PVT1: variants seen among roughly 807,000 people sequenced by gnomAD.
The protein encoded by PVT1 is CXCR4/PVT1 fusion.
At chr8:128,068,684 C>T (rs1038441777) in intron 4 of PVT1, among the ~76,000 whole-genome samples, 1 of 152,058 alleles carries the variant, frequency 6.6e-6, no homozygotes, top group African/African-American at 2.4e-5. Context: ...TTAGTAGAAA[C>T]GGTTTCACCA....
chr8:128,014,131 G>A (rs1817344970), intron 4 of PVT1, among the ~76,000 whole-genome samples: 1 of 152,206 alleles, frequency 6.6e-6, no homozygotes, highest in Non-Finnish European at 1.5e-5. Flanking sequence ...ACGAAGCTCT[G>A]TTTCGTCAAG....
At chr8:128,074,708 G>A (rs747315537) in intron 5 of PVT1, among the ~76,000 whole-genome samples, 17 of 152,128 alleles carry the variant, frequency 1.1e-4, no homozygotes, top group Non-Finnish European at 1.9e-4. Flanking sequence ...AAAGGATTCC[G>A]TTAGGATGGC....
chr8:127,894,787 T>G (rs1815653673), intron 3 of PVT1, among the ~76,000 whole-genome samples: 2 of 152,236 alleles, frequency 1.3e-5, no homozygotes, highest in Admixed American at 1.3e-4. Context: ...ATTGTTTCTA[T>G]TTGCGGTACT....
chr8:127,975,960 T>C (rs1248741213), intron 3 of PVT1, among the ~76,000 whole-genome samples: 2 of 152,180 alleles, frequency 1.3e-5, no homozygotes, highest in Admixed American at 1.3e-4. Context: ...CTGTCTGACA[T>C]TGAGTGCCTG....
At chr8:127,980,479 G>A (rs147279171) in intron 3 of PVT1, among the ~76,000 whole-genome samples, 303 of 152,226 alleles carry the variant, frequency 2.0e-3, no homozygotes, top group South Asian at 4.4e-3. Context: ...TGGGCTCAGT[G>A]TTTCCTGGGT....
intron 3 of PVT1, among the ~76,000 whole-genome samples, chr8:127,899,278 G>C (rs1815729081): frequency 6.6e-6 from 1 of 152,220 alleles, no homozygotes; most frequent in Non-Finnish European, 1.5e-5. Context: ...TTGCTCCTTT[G>C]GGAAGCCTGT....
intron 3 of PVT1, among the ~76,000 whole-genome samples, chr8:127,902,846 T>G (rs562743466): frequency 1.8e-3 from 277 of 152,354 alleles, no homozygotes; most frequent in Middle Eastern, 6.8e-3. Flanking sequence ...CTGACGGGCA[T>G]TTATGTTGAT....
intron 4 of PVT1, among the ~76,000 whole-genome samples, chr8:128,051,649 T>C (rs1056444509): frequency 2.0e-5 from 3 of 152,134 alleles, no homozygotes; most frequent in Non-Finnish European, 2.9e-5. Flanking sequence ...TTCTTTTTAT[T>C]CTTCTGACTA....
At chr8:127,868,048 C>A (rs960972574) in intron 2 of PVT1, among the ~76,000 whole-genome samples, 1 of 152,168 alleles carries the variant, frequency 6.6e-6, no homozygotes, top group Admixed American at 6.5e-5. Flanking sequence ...TAATCTTTTT[C>A]TTATTATGAA....
At chr8:128,085,489 AC>A (rs962900398) in intron 5 of PVT1, among the ~76,000 whole-genome samples, 1 of 116,112 alleles carries the variant, frequency 8.6e-6, no homozygotes, top group African/African-American at 2.9e-5. Flanking sequence ...CATGAGAAAA[AC>A]CTTTTTTTTT....
rs147787258 is a variant in PVT1 at position 127,894,191 on chromosome 8, T to A, written n.782+3193T>A. On this transcript the variant is annotated intron_variant and non_coding_transcript_variant, in intron 3 of 10. Coordinates refer to ENST00000651587, the Ensembl canonical transcript of PVT1. ...ACCTACACTGACATCCTGGCCAGGTTCCTGGAGATGGCCTGGCATCTTGGA... is the reference window on the plus strand; with the variant it reads ...ACCTACACTGACATCCTGGCCAGGTACCTGGAGATGGCCTGGCATCTTGGA... 2.0e-4 allele frequency among the ~76,000 whole-genome samples: 30 copies of A among 152,302 alleles called. 1 individual carries two copies. In the East Asian group the frequency reaches 3.9e-3, roughly 20 times the overall value.
intron 4 of PVT1, among the ~76,000 whole-genome samples, chr8:128,040,398 CAG>C (rs1302650211): frequency 1.3e-5 from 2 of 152,214 alleles, no homozygotes; most frequent in Non-Finnish European, 2.9e-5. Flanking sequence ...GCCTGCCCTG[CAG>C]AGTTTGGACT....
chr8:127,839,645 C>G (rs1474312538), intron 2 of PVT1, among the ~76,000 whole-genome samples: 4 of 150,956 alleles, frequency 2.6e-5, no homozygotes, highest in Admixed American at 2.6e-4. Flanking sequence ...GATAATAAGG[C>G]AGGCAGAGGG....
chr8:127,980,728 A>T (rs1173806139), intron 3 of PVT1, among the ~76,000 whole-genome samples: 1 of 151,674 alleles, frequency 6.6e-6, no homozygotes, highest in Admixed American at 6.6e-5. Flanking sequence ...TGGAGGAACC[A>T]TTCTTTTGAG....
At chr8:128,043,987 C>T (rs573512862) in intron 4 of PVT1, among the ~76,000 whole-genome samples, 162 of 147,876 alleles carry the variant, frequency 1.1e-3, no homozygotes, top group South Asian at 3.5e-3. Context: ...CCATCACACC[C>T]GGTTAATTTT....
chr8:128,095,486 AC>A (rs1814415915), intron 5 of PVT1, among the ~76,000 whole-genome samples: 2 of 152,252 alleles, frequency 1.3e-5, no homozygotes, highest in Admixed American at 1.3e-4. Context: ...TTAAGTGGTC[AC>A]ATTGCCATTG....
chr8:127,802,720 A>G (rs1207084730), intron 2 of PVT1, among the ~76,000 whole-genome samples: 2 of 152,196 alleles, frequency 1.3e-5, no homozygotes, highest in Non-Finnish European at 2.9e-5. Flanking sequence ...TTAGTGAATC[A>G]AATGTGTGGG....
intron 4 of PVT1, among the ~76,000 whole-genome samples, chr8:128,037,255 A>G (rs1813474598): frequency 6.6e-6 from 1 of 152,236 alleles, no homozygotes; most frequent in Non-Finnish European, 1.5e-5. Flanking sequence ...CCTGTCTTTC[A>G]GTTGGTGATG....
intron 4 of PVT1, among the ~76,000 whole-genome samples, chr8:128,004,161 T>C (rs1023230523): frequency 3.3e-5 from 5 of 152,204 alleles, no homozygotes; most frequent in Non-Finnish European, 7.3e-5. Flanking sequence ...CTTCAACATA[T>C]GAATGCAGAA....
Sources: gnomAD v4.1 joint callset for allele counts (sites outside exome capture counted in the v4.1 genomes callset) on GRCh38, gnomAD v4.1.1 for gene constraint, MANE v1.5 for transcripts, NCBI Gene and HGNC (gene_info 2026-07-23, HGNC 2026-07-21) for gene names.